The following NBPF14 variants were observed in gnomAD, a reference collection of about 807,000 sequenced individuals.
The protein encoded by NBPF14 is NBPF family member NBPF14.
A neutral mutation model predicts 91.2 loss-of-function variants in NBPF14; 104 were observed. The ratio of observed to expected loss-of-function variants is 1.14; its 90% CI spans 0.97 to 1.34. The LOEUF is 1.34. NBPF14 is among the 40% of genes most tolerant of loss of function. The probability of loss-of-function intolerance (pLI) is 0.00; values close to 1 mark genes in which losing one functional copy is unlikely to be tolerated. For missense variants in NBPF14, 908 were observed against 783.0 expected, an observed-to-expected ratio of 1.16 and a Z score of -1.91; for synonymous variants, 294 against 303.8, an observed-to-expected ratio of 0.97 and a Z score of 0.34.
At chr1:148,542,064 C>T (rs1281041017) in intron 59 of NBPF14, among the ~76,000 whole-genome samples, 1 of 90,684 alleles carries the variant, frequency 1.1e-5, no homozygotes, top group Non-Finnish European at 1.9e-5. Context: ...GATCGTTATC[C>T]CAATATCATT....
In NBPF14 at chr1:148,534,888, C is replaced by A. The variant is rs1259520114; in HGVS notation, c.8442-32G>T. On this transcript the variant is annotated intron_variant, in intron 68 of 70. Coordinates refer to ENST00000619423, the Ensembl canonical transcript of NBPF14. ...AAGTAGGAAAAAGTAAAGAATAAGC[C>A]AGGGGGAATCAGAAACCACACAGCC... 27 of 714,680 alleles carry A rather than the reference C, an allele frequency of 3.8e-5. 1 individual carries two copies. In the Admixed American group the frequency reaches 5.2e-4, roughly 14 times the overall value. The allele number at this position is 714,680 out of a possible 1,614,324, so 44.3% of individuals were successfully genotyped here.
intron 40 of NBPF14, among the ~76,000 whole-genome samples, 195 bp from the exon 41 acceptor site, chr1:148,557,057 T>C (rs1239816115): frequency 1.7e-5 from 2 of 114,478 alleles, no homozygotes; most frequent in Non-Finnish European, 3.3e-5. Context: ...GAAAGACAGA[T>C]AGACACACAC....
At position 148,559,880 on chromosome 1, in the gene NBPF14, G is replaced by A; in HGVS notation, c.4642C>T (p.Leu1548Phe). The change falls in exon 37 of 71, where the codon CTT (leucine) becomes TTT (phenylalanine). Residue 1548 changes from leucine to phenylalanine, a missense_variant. By Grantham distance (22) the Leu-to-Phe change is conservative. Transcript: ENST00000619423. ...GGCTGGCATGAGTCAGTCAGTTCAA[G>A]ACAACCTGAAGGAGTTGAATAACAT... The A allele has an allele frequency of 2.9e-6, 4 of 1,388,148 alleles. 1 individual carries two copies. In the Admixed American group the frequency reaches 7.1e-5, roughly 25 times the overall value. 86.0% of individuals were successfully genotyped at this position (1,388,148 alleles called of 1,614,324 possible).
At chr1:148,572,556 C>G in exon 21 of NBPF14, 1 of 659,150 alleles carries the variant, frequency 1.5e-6, no homozygotes. Context: ...CGAATAACAT[C>G]TATCCAGTGA....
rs1661620945 is a variant in NBPF14 at position 148,586,869 on chromosome 1, A to G, written c.1092-400T>C. Reference sequence around the variant, plus strand: ...AATGAGGCCAGGTGCAGATGGGGCGAATTGAAAAGATGAAAGAAGAAAAGA... The same window carrying G: ...AATGAGGCCAGGTGCAGATGGGGCGGATTGAAAAGATGAAAGAAGAAAAGA... On this transcript the variant is annotated intron_variant, in intron 8 of 70. Transcript: ENST00000619423. 2.1e-5 allele frequency among the ~76,000 whole-genome samples: 3 copies of G among 140,408 alleles called. 1 individual carries two copies. The highest frequency in any genetic ancestry group is 4.7e-5 in the Non-Finnish European group (3 of 63,186). The allele number at this position is 140,408 out of a possible 152,430, so 92.1% of individuals were successfully genotyped here.
rs1345460970 is a variant in NBPF14, at chr1:148,590,259, G to A, written c.778+498C>T. Among the ~76,000 whole-genome samples the A allele has an allele frequency of 2.9e-5, 4 of 137,488 alleles. No individual in the cohort carries two copies. The East Asian group carries it at 6.0e-4, about 21-fold the overall frequency. The allele number at this position is 137,488 out of a possible 152,430, so 90.2% of individuals were successfully genotyped here. A position where few individuals can be genotyped will look rare whatever the true frequency, so the allele number is the denominator to read the frequency against. ...TTTTTAGTAAAGATGGGGTTTCACC[G>A]TGTTAGCCAGGATGGTCTCAATCTC... On this transcript the variant is annotated intron_variant, in intron 6 of 70. Coordinates refer to ENST00000619423, the Ensembl canonical transcript of NBPF14.
intron 14 of NBPF14, 96 bp from the exon 15 acceptor site, chr1:148,577,451 A>T (rs1419664147): frequency 4.1e-5 from 28 of 675,660 alleles, no homozygotes; most frequent in Non-Finnish European, 7.3e-5. Context: ...AAGAGTTTGA[A>T]AAGAAAAAGG....
chr1:148,533,727 A>G (rs1304243880), intron 70 of NBPF14, 134 bp downstream of exon 70: 1 of 737,026 alleles, frequency 1.4e-6, no homozygotes, highest in Non-Finnish European at 2.4e-6. Context: ...ACTGCAATGA[A>G]AACCAACAGC....
chr1:148,572,354 C>T lies in NBPF14; in HGVS notation c.2758+89G>A, dbSNP rs1659230300. ...TCCTGCCTGCGGCAATGACGTCTCT[C>T]GGGTCAGTAAGGGGCACTTGGAACA... is the stretch of plus-strand genomic sequence containing the variant. On this transcript the variant is annotated intron_variant, in intron 21 of 70. Transcript: ENST00000619423. The T allele has an allele frequency of 6.0e-5, 19 of 315,350 alleles. 2 individuals carry two copies. Among genetic ancestry groups the T allele is most frequent in the African/African-American group, 1.1e-4 (1 of 9,262 alleles). The allele number at this position is 315,350 out of a possible 1,614,324, so 19.5% of individuals were successfully genotyped here. A position where few individuals can be genotyped will look rare whatever the true frequency, so the allele number is the denominator to read the frequency against.
At chr1:148,556,992 A>C (rs1656671590) in intron 40 of NBPF14, 130 bp from the exon 41 acceptor site, 2 of 158,886 alleles carry the variant, frequency 1.3e-5, no homozygotes, top group Middle Eastern at 1.8e-3. Context: ...ATGAGGTAAC[A>C]CATTATTGCC....
In NBPF14 at chr1:148,569,277, A is replaced by AAC; in HGVS notation, c.3241_3242dup (p.Gly1082LeufsTer60). The AAC allele has an allele frequency of 2.6e-6, 1 of 389,126 alleles. No homozygotes were observed. Among genetic ancestry groups the AAC allele is most frequent in the South Asian group, 2.2e-5 (1 of 44,482 alleles). The allele number at this position is 389,126 out of a possible 1,614,324, so 24.1% of individuals were successfully genotyped here. A position where few individuals can be genotyped will look rare whatever the true frequency, so the allele number is the denominator to read the frequency against. On this transcript the variant is annotated frameshift_variant, in exon 25 of 71. Coordinates refer to ENST00000619423, the Ensembl canonical transcript of NBPF14. LOFTEE classifies it high-confidence loss of function. ...CACCATCCATGTCAACAGCCAAGCC[A>AAC]ACACGCTGTTGCTCCAATACATAAA... is the stretch of plus-strand genomic sequence containing the variant.
intron 16 of NBPF14, among the ~76,000 whole-genome samples, chr1:148,576,105 G>C (rs1478684612): frequency 2.2e-5 from 3 of 134,694 alleles, no homozygotes; most frequent in Non-Finnish European, 4.7e-5. Context: ...AGTGCCCTCG[G>C]GACACACAGC....
At chr1:148,577,536 CGAGA>C (rs1333389433) in intron 14 of NBPF14, among the ~76,000 whole-genome samples, 181 bp from the exon 15 acceptor site, 1 of 132,638 alleles carries the variant, frequency 7.5e-6, no homozygotes, top group Non-Finnish European at 1.5e-5. Context: ...AAAGGATGAA[CGAGA>C]AAGACACACA....
At chr1:148,534,590 T>G (rs1654658691) in intron 69 of NBPF14, 94 bp downstream of exon 69, 4 of 855,380 alleles carry the variant, frequency 4.7e-6, no homozygotes, top group Admixed American at 3.4e-5. Flanking sequence ...GGCAATGACA[T>G]CTCTCGGGTG....
intron 70 of NBPF14, 105 bp downstream of exon 70, chr1:148,533,756 T>A: frequency 1.3e-6 from 1 of 760,686 alleles, no homozygotes; most frequent in Non-Finnish European, 2.4e-6. Flanking sequence ...TAGGAGTAAT[T>A]CAGCCTTTGT....
rs1480115038 is a variant in NBPF14 at position 148,566,335 on chromosome 1, T to C, written c.3543-20A>G. ...CTGAGCCTGGAAAAGGAGGAAAAGG[T>C]AAAGAATAAGCCAGGGGAAATCAGA... On this transcript the variant is annotated intron_variant, in intron 28 of 70. Transcript: ENST00000619423. The C allele has an allele frequency of 9.0e-6, 7 of 774,418 alleles. 2 individuals carry two copies. Among genetic ancestry groups the C allele is most frequent in the South Asian group, 1.4e-5 (1 of 71,514 alleles). 48.0% of individuals were successfully genotyped at this position (774,418 alleles called of 1,614,324 possible). A position where few individuals can be genotyped will look rare whatever the true frequency, so the allele number is the denominator to read the frequency against.
rs1240526748 is a variant in NBPF14 at position 148,566,637 on chromosome 1, A to G, written c.3542+315T>C. On this transcript the variant is annotated intron_variant, in intron 28 of 70. Transcript: ENST00000619423. ...GACACTCTGAGTTAGTGCCCTCAGG[A>G]CACACAGCATACAGGGATCATGAAA... is the stretch of plus-strand genomic sequence containing the variant. Among the ~76,000 whole-genome samples, 11 of 139,488 alleles carry G rather than the reference A, an allele frequency of 7.9e-5. 2 individuals are homozygous for G. Among genetic ancestry groups the G allele is most frequent in the Non-Finnish European group, 1.4e-4 (9 of 62,480 alleles). The allele number at this position is 139,488 out of a possible 152,430, so 91.5% of individuals were successfully genotyped here. A position where few individuals can be genotyped will look rare whatever the true frequency, so the allele number is the denominator to read the frequency against.
At chr1:148,579,262 T>C in intron 12 of NBPF14, 25 bp from the exon 13 acceptor site, 1 of 307,224 alleles carries the variant, frequency 3.3e-6, no homozygotes, top group Non-Finnish European at 5.6e-6. Flanking sequence ...AGGACAGGGA[T>C]GATAGAAGAT....
chr1:148,577,543 GACACACACACACACACAC>G (rs1184575767), intron 14 of NBPF14, among the ~76,000 whole-genome samples, 188 bp from the exon 15 acceptor site: 4 of 141,144 alleles, frequency 2.8e-5, no homozygotes, highest in Non-Finnish European at 6.1e-5. Flanking sequence ...GAACGAGAAA[GACACACACACACACACAC>G]ACACACACAC....
Sources: allele counts gnomAD v4.1 joint callset (sites outside exome capture counted in the v4.1 genomes callset), GRCh38; gene constraint gnomAD v4.1.1; transcripts MANE v1.5; gene names NCBI Gene and HGNC (gene_info 2026-07-23, HGNC 2026-07-21).